The following GFOD1 variants were observed in gnomAD, a reference collection of about 807,000 sequenced individuals.
GFOD1 encodes glucose-fructose oxidoreductase domain-containing protein 1.
GFOD1 carries 9 observed loss-of-function variants against 25.4 expected under a neutral mutation model. The ratio of observed to expected loss-of-function variants is 0.35; its 90% CI spans 0.21 to 0.62. GFOD1 has a LOEUF of 0.62. GFOD1 is among the 20% of genes least tolerant of loss of function. The pLI is 0.72. For synonymous variants in GFOD1, 253 were observed against 245.6 expected (o/e 1.03, Z -0.28); for missense variants, 403 against 556.9 (o/e 0.72, Z 2.78).
At chr6:13,432,419 G>A (rs1191724498) in intron 1 of GFOD1, among the ~76,000 whole-genome samples, 1 of 151,888 alleles carries the variant, frequency 6.6e-6, no homozygotes, top group South Asian at 2.1e-4. Flanking sequence ...ATCTCACTAG[G>A]TTGGTCTCAA....
chr6:13,445,526 T>C (rs1324099185), intron 1 of GFOD1, among the ~76,000 whole-genome samples: 2 of 152,212 alleles, frequency 1.3e-5, no homozygotes, highest in East Asian at 1.9e-4. Flanking sequence ...CAAACAGATC[T>C]CGTCATTTGG....
chr6:13,399,265 G>A (rs1043409779), intron 1 of GFOD1, among the ~76,000 whole-genome samples: 1 of 151,956 alleles, frequency 6.6e-6, no homozygotes, highest in Non-Finnish European at 1.5e-5. Context: ...GGCCCGCCTC[G>A]GCCTCCCAAA....
chr6:13,463,456 T>C (rs927797730), intron 1 of GFOD1, among the ~76,000 whole-genome samples: 3 of 152,234 alleles, frequency 2.0e-5, no homozygotes, highest in Admixed American at 1.3e-4. Context: ...GGCTACCATG[T>C]TGGACAGCGC....
chr6:13,459,806 T>C (rs532310219), intron 1 of GFOD1, among the ~76,000 whole-genome samples: 2 of 152,234 alleles, frequency 1.3e-5, no homozygotes, highest in South Asian at 2.1e-4. Context: ...TGAGATACCA[T>C]CTCATGCCAG....
At chr6:13,426,822 C>T (rs867080072) in intron 1 of GFOD1, among the ~76,000 whole-genome samples, 128 of 152,300 alleles carry the variant, frequency 8.4e-4, no homozygotes, top group African/African-American at 2.8e-3. Context: ...TTCTGCCCAG[C>T]TTTCTCTTGT....
At chr6:13,395,589 A>C (rs889419504) in intron 1 of GFOD1, among the ~76,000 whole-genome samples, 9 of 152,242 alleles carry the variant, frequency 5.9e-5, no homozygotes, top group Non-Finnish European at 1.5e-5. Flanking sequence ...TCGGGGCTCC[A>C]GCTTCCTCAT....
chr6:13,445,198 C>T (rs375293110), intron 1 of GFOD1, among the ~76,000 whole-genome samples: 2 of 152,184 alleles, frequency 1.3e-5, no homozygotes, highest in African/African-American at 2.4e-5. Flanking sequence ...GTGAAGGTAT[C>T]GGCTGGCAGC....
chr6:13,402,474 C>T (rs1452006110), intron 1 of GFOD1, among the ~76,000 whole-genome samples: 2 of 152,188 alleles, frequency 1.3e-5, no homozygotes, highest in Admixed American at 1.3e-4. Flanking sequence ...AATAACTTAA[C>T]AATTCAGTAA....
rs1277370174 is a variant in GFOD1, at chr6:13,362,338, C to T, written c.*2405G>A. 5.9e-5 allele frequency: 9 copies of T among 151,894 alleles called. No homozygotes were observed. The highest frequency in any genetic ancestry group is 1.9e-4 in the East Asian group (1 of 5,168). The allele number at this position is 151,894 out of a possible 1,614,324, so 9.4% of individuals were successfully genotyped here. A position where few individuals can be genotyped will look rare whatever the true frequency, so the allele number is the denominator to read the frequency against. On this transcript the variant is annotated 3_prime_UTR_variant, in exon 2 of 2. Transcript: ENST00000379287. The stretch of plus-strand genomic sequence containing the variant: ...TTAGCCGGCTGTGGTGGCAGCCACC[C>T]GTAGTCCCTGCTGCTCGGGAGGCTG...
At position 13,428,847 on chromosome 6, in the gene GFOD1, C is replaced by T. The variant is rs186969673; in HGVS notation, c.253+57791G>A. On this transcript the variant is annotated intron_variant, in intron 1 of 1. Coordinates refer to ENST00000379287, the MANE Select transcript of GFOD1 (RefSeq NM_018988.4). ...CAGAAGCGGACTTTCTGACCATTCA[C>T]TAATTCTAGCAAGAAGGTCCACTAA... 2.0e-3 allele frequency among the ~76,000 whole-genome samples: 306 copies of T among 152,308 alleles called. 1 individual carries two copies. The highest frequency in any genetic ancestry group is 7.0e-3 in the African/African-American group (292 of 41,552).
At chr6:13,410,909 G>T (rs531804923) in intron 1 of GFOD1, among the ~76,000 whole-genome samples, 3 of 152,220 alleles carry the variant, frequency 2.0e-5, no homozygotes, top group Admixed American at 2.0e-4. Flanking sequence ...GCACAGAAGG[G>T]CCCCATAATT....
At chr6:13,462,651 T>G (rs74417864) in intron 1 of GFOD1, among the ~76,000 whole-genome samples, 5,160 of 152,312 alleles carry the variant, frequency 0.034, 294 homozygotes, top group African/African-American at 0.11. Flanking sequence ...CCCCATCATT[T>G]CCTGGGCCCC....
intron 1 of GFOD1, among the ~76,000 whole-genome samples, chr6:13,387,233 T>C (rs1785492609): frequency 6.6e-6 from 1 of 152,182 alleles, no homozygotes. Context: ...CATAGAGCAA[T>C]GCCCAGATAA....
chr6:13,394,475 T>TTTTG lies in GFOD1; in HGVS notation c.254-28814_254-28813insCAAA, dbSNP rs1199073996. Reference sequence around the variant, plus strand: ...CTTTTGTACCCTTTGAATTTTTTTTTTTTTTTTTTTTTTTTTTGAGACGAG... The same window carrying TTTTG: ...CTTTTGTACCCTTTGAATTTTTTTTTTTTGTTTTTTTTTTTTTTTTTGAGACGAG... On this transcript the variant is annotated intron_variant, in intron 1 of 1. Transcript: ENST00000379287. Among the ~76,000 whole-genome samples the TTTTG allele has an allele frequency of 8.9e-5, 12 of 134,398 alleles. 1 individual carries two copies. The highest frequency in any genetic ancestry group is 1.9e-4 in the Non-Finnish European group (12 of 62,152). 88.2% of individuals were successfully genotyped at this position (134,398 alleles called of 152,430 possible).
intron 1 of GFOD1, chr6:13,469,867 G>T: frequency 8.3e-7 from 1 of 1,203,302 alleles, no homozygotes; most frequent in African/African-American, 1.6e-5. Context: ...AGTAACACTC[G>T]TACTATGTCT....
chr6:13,445,843 T>A (rs574310155), intron 1 of GFOD1, among the ~76,000 whole-genome samples: 10 of 152,312 alleles, frequency 6.6e-5, no homozygotes, highest in African/African-American at 2.2e-4. Flanking sequence ...GGTTGCACAG[T>A]CCAGACGTCC....
chr6:13,424,601 T>C (rs995099793), intron 1 of GFOD1, among the ~76,000 whole-genome samples: 1 of 152,068 alleles, frequency 6.6e-6, no homozygotes, highest in African/African-American at 2.4e-5. Context: ...AAGGAGAAAA[T>C]TGGAAAAACA....
chr6:13,475,821 G>A (rs1005959020), intron 1 of GFOD1, among the ~76,000 whole-genome samples: 5 of 151,890 alleles, frequency 3.3e-5, no homozygotes, highest in African/African-American at 4.8e-5. Context: ...CTACTTGGGA[G>A]GCTGAGGCAG....
At chr6:13,473,649 G>GT (rs1339386197) in intron 1 of GFOD1, among the ~76,000 whole-genome samples, 2 of 152,252 alleles carry the variant, frequency 1.3e-5, no homozygotes, top group African/African-American at 4.8e-5. Flanking sequence ...AAGCCACACA[G>GT]TTTATCTCGC....
Sources: allele counts gnomAD v4.1 joint callset (sites outside exome capture counted in the v4.1 genomes callset), GRCh38; gene constraint gnomAD v4.1.1; transcripts MANE v1.5; gene names NCBI Gene and HGNC (gene_info 2026-07-23, HGNC 2026-07-21).